EXOC4: variants seen among roughly 807,000 people sequenced by gnomAD.
The protein encoded by EXOC4 is SEC8-like 1.
A neutral mutation model predicts 107.2 loss-of-function variants in EXOC4; 71 were observed. That is an observed-to-expected ratio of 0.66 (90% CI 0.55 to 0.81). EXOC4 has a LOEUF of 0.81. Among genes scored for constraint, EXOC4 ranks in the 30% least tolerant of loss-of-function variants. The probability of loss-of-function intolerance (pLI) is 0.00; values close to 1 mark genes in which losing one functional copy is unlikely to be tolerated. For synonymous variants in EXOC4, 456 were observed against 441.2 expected, an observed-to-expected ratio of 1.03 and a Z score of -0.42; for missense variants, 1,108 against 1,189.6, an observed-to-expected ratio of 0.93 and a Z score of 1.01.
intron 9 of EXOC4, among the ~76,000 whole-genome samples, chr7:133,554,030 G>A (rs1326839143): frequency 6.6e-6 from 1 of 152,046 alleles, no homozygotes; most frequent in African/African-American, 2.4e-5. Flanking sequence ...GAATGAAGAG[G>A]TGAGCTATCT....
At chr7:134,070,580 AGTGTGATGAAACG>A (rs1796260463), downstream of EXOC4, among the ~76,000 whole-genome samples, 1 of 152,166 alleles carries the variant, frequency 6.6e-6, no homozygotes, top group Non-Finnish European at 1.5e-5. Context: ...GGTAGGTGTG[AGTGTGATGAAACG>A]TACACCATGT....
At chr7:133,953,375 A>G (rs1219045782) in intron 14 of EXOC4, among the ~76,000 whole-genome samples, 2 of 152,106 alleles carry the variant, frequency 1.3e-5, no homozygotes, top group African/African-American at 4.8e-5. Context: ...AGGTGGGAAG[A>G]TCTCTTGAGC....
intron 9 of EXOC4, among the ~76,000 whole-genome samples, chr7:133,493,015 G>A (rs1460489528): frequency 6.6e-6 from 1 of 151,990 alleles, no homozygotes; most frequent in Non-Finnish European, 1.5e-5. Flanking sequence ...GGTGACTTTG[G>A]GCACAGTAAC....
intron 1 of EXOC4, among the ~76,000 whole-genome samples, chr7:133,264,386 T>A (rs1168571085): frequency 6.6e-6 from 1 of 152,198 alleles, no homozygotes; most frequent in East Asian, 1.9e-4. Flanking sequence ...AATACATCTC[T>A]TTGTATTGTT....
chr7:134,024,399 C>T (rs1345082481), intron 17 of EXOC4, among the ~76,000 whole-genome samples: 1 of 150,892 alleles, frequency 6.6e-6, no homozygotes, highest in Non-Finnish European at 1.5e-5. Flanking sequence ...TCCAGTGAGC[C>T]GAGATCGCGC....
At chr7:133,486,497 G>C (rs562124926) in intron 9 of EXOC4, among the ~76,000 whole-genome samples, 108 of 152,182 alleles carry the variant, frequency 7.1e-4, no homozygotes, top group African/African-American at 2.4e-3. Context: ...TTGTTCTGCA[G>C]CCTTAAATAT....
intron 6 of EXOC4, among the ~76,000 whole-genome samples, chr7:133,361,644 A>G (rs549075400): frequency 5.9e-5 from 9 of 152,316 alleles, no homozygotes; most frequent in Admixed American, 2.0e-4. Context: ...TCCCCTTGCC[A>G]ACAGATTGTA....
intron 10 of EXOC4, among the ~76,000 whole-genome samples, chr7:133,728,966 A>G (rs1000463694): frequency 3.3e-5 from 5 of 152,164 alleles, no homozygotes; most frequent in African/African-American, 1.2e-4. Context: ...TATTTCTGTG[A>G]CAGTATATAC....
intron 11 of EXOC4, among the ~76,000 whole-genome samples, chr7:133,884,247 A>G (rs1478128400): frequency 6.6e-6 from 1 of 152,158 alleles, no homozygotes; most frequent in Non-Finnish European, 1.5e-5. Context: ...TACAGGGGAG[A>G]GAGTCCAGTG....
chr7:133,312,508 T>A (rs1794897815), intron 4 of EXOC4, among the ~76,000 whole-genome samples: 1 of 152,154 alleles, frequency 6.6e-6, no homozygotes, highest in Non-Finnish European at 1.5e-5. Flanking sequence ...GCATGTTTTT[T>A]AAAAATAATA....
At chr7:133,677,366 T>TTA (rs1316634382) in intron 10 of EXOC4, among the ~76,000 whole-genome samples, 1 of 152,156 alleles carries the variant, frequency 6.6e-6, no homozygotes, top group Non-Finnish European at 1.5e-5. Flanking sequence ...GATTTCATCT[T>TTA]TAGACACTTC....
intron 11 of EXOC4, among the ~76,000 whole-genome samples, chr7:133,829,678 G>A (rs776987963): frequency 1.1e-4 from 16 of 152,218 alleles, no homozygotes; most frequent in Non-Finnish European, 2.9e-5. Context: ...TCAAAGGCAT[G>A]ACCAAATGGG....
chr7:134,070,920 C>T (rs1796266211), downstream of EXOC4, among the ~76,000 whole-genome samples: 1 of 152,178 alleles, frequency 6.6e-6, no homozygotes, highest in South Asian at 2.1e-4. Flanking sequence ...AAACAGAAAA[C>T]CCAGCAATCT....
rs77820043 is a variant in EXOC4 at position 134,027,796 on chromosome 7, A to G, written c.2687+19961A>G. Among the ~76,000 whole-genome samples, 738 of 152,286 alleles carry G rather than the reference A, an allele frequency of 4.8e-3. 6 individuals carry two copies. The highest frequency in any genetic ancestry group is 0.016 in the African/African-American group (684 of 41,546). Reference sequence around the variant, plus strand: ...TGGTTGGCTCAGATCACTAGATCGTACTGTCAGAAGCTCAGAAAGTCTTAA... The same window carrying G: ...TGGTTGGCTCAGATCACTAGATCGTGCTGTCAGAAGCTCAGAAAGTCTTAA... On this transcript the variant is annotated intron_variant, in intron 17 of 17. Coordinates refer to ENST00000253861, the MANE Select transcript of EXOC4 (RefSeq NM_021807.4).
chr7:133,691,717 A>C (rs1171926993), intron 10 of EXOC4, among the ~76,000 whole-genome samples: 1 of 152,214 alleles, frequency 6.6e-6, no homozygotes, highest in African/African-American at 2.4e-5. Flanking sequence ...GAGTAATACA[A>C]TAAAGAATAA....
chr7:133,591,366 A>G (rs1042789861), intron 9 of EXOC4, among the ~76,000 whole-genome samples: 2 of 152,098 alleles, frequency 1.3e-5, no homozygotes, highest in Admixed American at 1.3e-4. Context: ...TCTTGCCTCA[A>G]TTTTAACAGA....
intron 7 of EXOC4, among the ~76,000 whole-genome samples, chr7:133,411,165 C>T (rs1414303164): frequency 2.0e-5 from 3 of 152,124 alleles, no homozygotes; most frequent in Non-Finnish European, 4.4e-5. Flanking sequence ...AAATTATGGT[C>T]AGCCATCTTA....
chr7:133,634,012 C>T (rs796957272), intron 10 of EXOC4, among the ~76,000 whole-genome samples: 6 of 152,242 alleles, frequency 3.9e-5, no homozygotes, highest in Non-Finnish European at 5.9e-5. Flanking sequence ...GCTAGCAGTG[C>T]GTTCTTTGCA....
intron 10 of EXOC4, among the ~76,000 whole-genome samples, chr7:133,761,249 T>C (rs1460176864): frequency 6.6e-6 from 1 of 152,120 alleles, no homozygotes; most frequent in African/African-American, 2.4e-5. Flanking sequence ...AACAAGTGCA[T>C]AGAGCGACAC....
Sources: allele counts gnomAD v4.1 joint callset (sites outside exome capture counted in the v4.1 genomes callset), GRCh38; gene constraint gnomAD v4.1.1; transcripts MANE v1.5; gene names NCBI Gene and HGNC (gene_info 2026-07-23, HGNC 2026-07-21).